The following GBE1 variants were observed in gnomAD, a reference collection of about 807,000 sequenced individuals.
GBE1 encodes the protein 1,4-alpha-glucan branching enzyme 1.
Under a neutral mutation model 88.8 loss-of-function variants are expected in GBE1, and 70 were observed. The observed-to-expected ratio is 0.79, with a 90% confidence interval of 0.65 to 0.96. GBE1 has a LOEUF of 0.96. GBE1 is among the 40% of genes least tolerant of loss of function. The pLI is 0.00. For missense variants in GBE1, 872 were observed against 871.0 expected, an observed-to-expected ratio of 1.00 and a Z score of -0.01; for synonymous variants, 284 against 300.1, an observed-to-expected ratio of 0.95 and a Z score of 0.56.
intron 3 of GBE1, among the ~76,000 whole-genome samples, chr3:81,663,161 C>A (rs1460227333): frequency 6.6e-6 from 1 of 152,110 alleles, no homozygotes; most frequent in African/African-American, 2.4e-5. Flanking sequence ...GCTAGGGCTC[C>A]ACTCTCATGG....
chr3:81,563,057 T>C (rs1285231695), intron 12 of GBE1, among the ~76,000 whole-genome samples: 1 of 152,072 alleles, frequency 6.6e-6, no homozygotes, highest in Non-Finnish European at 1.5e-5. Flanking sequence ...TTCTATGAGA[T>C]GACAGCCATA....
In GBE1 at chr3:81,617,792, T is replaced by C. The variant is rs992087183; in HGVS notation, c.993-23769A>G. On this transcript the variant is annotated intron_variant, in intron 7 of 15. Transcript: ENST00000429644. ...TCTGGAAGAATCTATACTAGATTAG[T>C]GTGAATTCTTCTTCAAATGTTTCAG... Among the ~76,000 whole-genome samples, 9 of 152,002 alleles carry C rather than the reference T, an allele frequency of 5.9e-5. No individual in the cohort carries two copies. The East Asian group carries it at 7.7e-4, about 13-fold the overall frequency.
At chr3:81,541,455 C>T (rs1466473699) in intron 12 of GBE1, among the ~76,000 whole-genome samples, 1 of 150,962 alleles carries the variant, frequency 6.6e-6, no homozygotes, top group Non-Finnish European at 1.5e-5. Flanking sequence ...AAGTTGCCCC[C>T]CCCGCCACCT....
At chr3:81,711,192 A>G (rs1705860220) in intron 1 of GBE1, among the ~76,000 whole-genome samples, 1 of 152,192 alleles carries the variant, frequency 6.6e-6, no homozygotes, top group African/African-American at 2.4e-5. Context: ...ATCCATTCTC[A>G]AGTGCTTCTG....
At chr3:81,722,830 C>T (rs1349541843) in intron 1 of GBE1, among the ~76,000 whole-genome samples, 1 of 150,290 alleles carries the variant, frequency 6.7e-6, no homozygotes, top group African/African-American at 2.4e-5. Flanking sequence ...CACTTATTAA[C>T]TCATTCAAAA....
intron 7 of GBE1, among the ~76,000 whole-genome samples, chr3:81,636,733 T>C (rs1576179971): frequency 6.6e-6 from 1 of 152,222 alleles, no homozygotes; most frequent in African/African-American, 2.4e-5. Flanking sequence ...TTTCTCTATA[T>C]TGGTCAGGCT....
intron 1 of GBE1, among the ~76,000 whole-genome samples, chr3:81,750,619 A>ATATATATATG (rs1706504240): frequency 1.5e-5 from 1 of 66,464 alleles, no homozygotes; most frequent in Non-Finnish European, 2.4e-5. Context: ...ATATATATGT[A>ATATATATATG]TATATATATA....
intron 1 of GBE1, among the ~76,000 whole-genome samples, chr3:81,731,990 A>G (rs891293108): frequency 6.6e-6 from 1 of 152,170 alleles, no homozygotes; most frequent in African/African-American, 2.4e-5. Context: ...TAATTATTAT[A>G]CAAAAACTAT....
chr3:81,528,500 T>C (rs1267815472), intron 14 of GBE1, among the ~76,000 whole-genome samples: 1 of 152,064 alleles, frequency 6.6e-6, no homozygotes, highest in African/African-American at 2.4e-5. Context: ...GTGCATTTGG[T>C]CTATAGCACA....
chr3:81,628,159 G>T (rs1215499269), intron 7 of GBE1, among the ~76,000 whole-genome samples: 5 of 151,994 alleles, frequency 3.3e-5, no homozygotes, highest in Admixed American at 3.3e-4. Flanking sequence ...CCCCTTATAT[G>T]TGTCTTCAAC....
intron 1 of GBE1, among the ~76,000 whole-genome samples, chr3:81,749,808 G>A (rs1706470840): frequency 6.6e-6 from 1 of 151,646 alleles, no homozygotes; most frequent in Admixed American, 6.6e-5. Flanking sequence ...TTTTTAATAC[G>A]GTCTAACACA....
At chr3:81,572,010 CAT>C (rs1703582187) in intron 12 of GBE1, among the ~76,000 whole-genome samples, 1 of 152,194 alleles carries the variant, frequency 6.6e-6, no homozygotes, top group African/African-American at 2.4e-5. Flanking sequence ...ATAATCCCCA[CAT>C]GTCAAGGGAG....
intron 9 of GBE1, among the ~76,000 whole-genome samples, chr3:81,588,298 C>T (rs1703826928): frequency 1.3e-5 from 2 of 152,158 alleles, no homozygotes; most frequent in South Asian, 4.2e-4. Context: ...CATATTTCCA[C>T]AGACAGGATT....
intron 14 of GBE1, among the ~76,000 whole-genome samples, chr3:81,525,212 C>A (rs1459469994): frequency 6.6e-6 from 1 of 151,898 alleles, no homozygotes; most frequent in Non-Finnish European, 1.5e-5. Flanking sequence ...TCCATCAATA[C>A]CTAATTTATT....
intron 7 of GBE1, among the ~76,000 whole-genome samples, chr3:81,636,119 G>A (rs988519896): frequency 6.6e-6 from 1 of 152,144 alleles, no homozygotes; most frequent in Admixed American, 6.6e-5. Flanking sequence ...TGTGAGAGAA[G>A]TTATATTTCT....
At chr3:81,602,531 A>G (rs1704047496) in intron 7 of GBE1, among the ~76,000 whole-genome samples, 1 of 152,080 alleles carries the variant, frequency 6.6e-6, no homozygotes, top group African/African-American at 2.4e-5. Context: ...CAAAGTGCCC[A>G]CTTCTCACTG....
intron 12 of GBE1, among the ~76,000 whole-genome samples, chr3:81,551,437 A>C (rs545813554): frequency 1.7e-4 from 26 of 152,278 alleles, no homozygotes; most frequent in African/African-American, 6.0e-4. Flanking sequence ...AGAATCACTA[A>C]GCTAAAGGGA....
intron 15 of GBE1, among the ~76,000 whole-genome samples, chr3:81,493,274 G>A (rs1468596225): frequency 6.6e-6 from 1 of 152,106 alleles, no homozygotes; most frequent in Non-Finnish European, 1.5e-5. Flanking sequence ...ACCCTGATAA[G>A]TCCAAGGTTC....
intron 1 of GBE1, among the ~76,000 whole-genome samples, chr3:81,724,608 C>T (rs1706081628): frequency 6.6e-6 from 1 of 152,094 alleles, no homozygotes; most frequent in Non-Finnish European, 1.5e-5. Flanking sequence ...AGCTCCTTTA[C>T]ATCATTCCAA....
Sources: gnomAD v4.1 joint callset for allele counts (sites outside exome capture counted in the v4.1 genomes callset) on GRCh38, gnomAD v4.1.1 for gene constraint, MANE v1.5 for transcripts, NCBI Gene and HGNC (gene_info 2026-07-23, HGNC 2026-07-21) for gene names.